WDR33: variants seen among roughly 807,000 people sequenced by gnomAD.
WDR33 encodes WD repeat domain 33, also known as pre-mRNA 3' end processing protein WDR33.
Under a neutral mutation model 164.9 loss-of-function variants are expected in WDR33, and 47 were observed. That is an observed-to-expected ratio of 0.29 (90% confidence interval 0.23 to 0.36). The LOEUF (loss-of-function observed/expected upper bound fraction) is 0.36, where lower values mean the gene tolerates loss of function less well. WDR33 is among the 10% of genes least tolerant of loss of function. WDR33 has a pLI of 1.00. For synonymous variants in WDR33, 505 were observed against 589.0 expected, an observed-to-expected ratio of 0.86 and a Z score of 2.06; for missense variants, 1,137 against 1,754.1, an observed-to-expected ratio of 0.65 and a Z score of 6.28.
chr2:127,703,577 G>A lies in WDR33; in HGVS notation c.*2746C>T, dbSNP rs939368815. 1 of 167,018 alleles carries A rather than the reference G, an allele frequency of 6.0e-6. No homozygotes were observed. The highest frequency in any genetic ancestry group is 1.5e-5 in the Non-Finnish European group (1 of 68,116). 10.3% of individuals were successfully genotyped at this position (167,018 alleles called of 1,614,324 possible). A position where few individuals can be genotyped will look rare whatever the true frequency, so the allele number is the denominator to read the frequency against. ...TTGCAGGCTACCCGCCCTGAGATTT[G>A]GTAAAGAACACTGCCTTGTTCCCCA... On this transcript the variant is annotated 3_prime_UTR_variant, in exon 22 of 22. Transcript: ENST00000322313.
chr2:127,779,934 A>ATT (rs752624928), intron 1 of WDR33, among the ~76,000 whole-genome samples: 4 of 152,018 alleles, frequency 2.6e-5, no homozygotes, highest in Non-Finnish European at 4.4e-5. Context: ...CTAGCTAGCA[A>ATT]TTCATATAGG....
At chr2:127,778,004 T>A (rs1439310221) in intron 1 of WDR33, among the ~76,000 whole-genome samples, 2 of 152,086 alleles carry the variant, frequency 1.3e-5, no homozygotes, top group African/African-American at 4.8e-5. Flanking sequence ...AGATAAAAGT[T>A]AAAAATGAGC....
chr2:127,749,299 A>T (rs1687250557), intron 7 of WDR33, among the ~76,000 whole-genome samples: 1 of 152,196 alleles, frequency 6.6e-6, no homozygotes, highest in Non-Finnish European at 1.5e-5. Flanking sequence ...GTGCCACTGC[A>T]CTCCAACCTG....
intron 1 of WDR33, among the ~76,000 whole-genome samples, chr2:127,780,834 C>T (rs1205252250): frequency 6.6e-6 from 1 of 152,170 alleles, no homozygotes; most frequent in Admixed American, 6.6e-5. Context: ...GAGACCCTAT[C>T]TCAAAATAAT....
rs1024794711 is a variant in WDR33, at chr2:127,701,372, A to G, written c.*4951T>C. The G allele has an allele frequency of 2.1e-5, 14 of 678,244 alleles. No homozygotes were observed. Among genetic ancestry groups the G allele is most frequent in the Non-Finnish European group, 2.7e-5 (13 of 487,458 alleles). 42.0% of individuals were successfully genotyped at this position (678,244 alleles called of 1,614,324 possible). ...CGACCACGGTACTTGGGGACACCAC[A>G]AAAGTCCGCAGAGCAGGCACCGCGG... is the stretch of plus-strand genomic sequence containing the variant. On this transcript the variant is annotated 3_prime_UTR_variant, in exon 22 of 22. Coordinates refer to ENST00000322313, the MANE Select transcript of WDR33 (RefSeq NM_018383.5).
At chr2:127,757,980 G>A (rs904715422) in intron 7 of WDR33, among the ~76,000 whole-genome samples, 3 of 152,094 alleles carry the variant, frequency 2.0e-5, no homozygotes, top group African/African-American at 4.8e-5. Flanking sequence ...TCTGTGTGGT[G>A]AGTACGTAAG....
chr2:127,735,746 A>T lies in WDR33; in HGVS notation c.725-8969T>A. On this transcript the variant is annotated intron_variant, in intron 7 of 21. Coordinates refer to ENST00000322313, the MANE Select transcript of WDR33 (RefSeq NM_018383.5). The surrounding 1 kb of genome is among the most constrained non-coding windows in gnomAD (Gnocchi z 4.3). Reference sequence around the variant, plus strand: ...GTTGGACAGAGGATTTAAGATTTTAAAAAATTAAGAAGCATAAGTAATCTG... The same window carrying T: ...GTTGGACAGAGGATTTAAGATTTTATAAAATTAAGAAGCATAAGTAATCTG... The T allele has an allele frequency of 1.0e-6, 1 of 985,498 alleles. No homozygotes were observed. The highest frequency in any genetic ancestry group is 1.2e-6 in the Non-Finnish European group (1 of 829,926). The allele number at this position is 985,498 out of a possible 1,614,324, so 61.0% of individuals were successfully genotyped here.
intron 7 of WDR33, among the ~76,000 whole-genome samples, chr2:127,755,877 T>C (rs1687503053): frequency 6.6e-6 from 1 of 152,212 alleles, no homozygotes; most frequent in Non-Finnish European, 1.5e-5. Context: ...TGTTTCTATA[T>C]TCATGCTGAC....
In WDR33 at chr2:127,763,968, G is replaced by A. The variant is rs534918823; in HGVS notation, c.627-809C>T. On this transcript the variant is annotated intron_variant, in intron 6 of 21. Coordinates refer to ENST00000322313, the MANE Select transcript of WDR33 (RefSeq NM_018383.5). The surrounding 1 kb of genome is among the most constrained non-coding windows in gnomAD (Gnocchi z 4.5). ...ATCCAACAATTTCTGTTAAGATTCT[G>A]AAAGTATGAACAAATGACTACAGTG... 1.0e-6 allele frequency: 1 copy of A among 985,826 alleles called. No individual in the cohort carries two copies. The highest frequency in any genetic ancestry group is 4.7e-5 in the South Asian group (1 of 21,294). 61.1% of individuals were successfully genotyped at this position (985,826 alleles called of 1,614,324 possible).
At chr2:127,771,101 T>C in intron 1 of WDR33, 97 bp from the exon 2 acceptor site, 1 of 912,904 alleles carries the variant, frequency 1.1e-6, no homozygotes, top group Non-Finnish European at 1.6e-6. Flanking sequence ...TCTTTTCCCT[T>C]ATCTAACGTG....
At chr2:127,725,977 C>T (rs762581142) in intron 8 of WDR33, among the ~76,000 whole-genome samples, 2 of 152,132 alleles carry the variant, frequency 1.3e-5, no homozygotes, top group Non-Finnish European at 2.9e-5. Context: ...CAACCCCTGG[C>T]CTGCACAATG....
At chr2:127,725,358 GT>G in intron 8 of WDR33, 143 bp from the exon 9 acceptor site, 1 of 767,878 alleles carries the variant, frequency 1.3e-6, no homozygotes, top group Non-Finnish European at 2.0e-6. Flanking sequence ...AAGGATCACA[GT>G]TATAAACACA....
At chr2:127,744,010 G>T (rs1270310655) in intron 7 of WDR33, among the ~76,000 whole-genome samples, 2 of 152,146 alleles carry the variant, frequency 1.3e-5, no homozygotes, top group Non-Finnish European at 1.5e-5. Context: ...CCCTCTATGG[G>T]GCTGGAGGAA....
Position 127,709,774 on chromosome 2 carries a change from C to G in WDR33, c.3391G>C (p.Gly1131Arg). 6.2e-7 allele frequency: 1 copy of G among 1,614,218 alleles called. No homozygotes were observed. Residue 1131 changes from glycine (G) to arginine (R), a missense_variant, in exon 19 of 22, where the codon GGT (glycine) becomes CGT (arginine). Physicochemically the swap from Gly to Arg is moderately radical, Grantham distance 125 (BLOSUM62 -2). Coordinates refer to ENST00000322313, the MANE Select transcript of WDR33 (RefSeq NM_018383.5). The surrounding 1 kb of genome is among the most constrained non-coding windows in gnomAD (Gnocchi z 5.0). Reference sequence around the variant, plus strand: ...GAAGCATCAAAATTCTCCTCTGGACCAAAGTCTTCAGGACCAGGAAAACCA... The same window carrying G: ...GAAGCATCAAAATTCTCCTCTGGACGAAAGTCTTCAGGACCAGGAAAACCA... ...RDGFPGPEDF[G>R]PEENFDASEE...
rs933728808 is a variant in WDR33, at chr2:127,735,574, C to T, written c.725-8797G>A. 5 of 985,660 alleles carry T rather than the reference C, an allele frequency of 5.1e-6. No homozygotes were observed. Among genetic ancestry groups the T allele is most frequent in the Non-Finnish European group, 6.0e-6 (5 of 829,842 alleles). The allele number at this position is 985,660 out of a possible 1,614,324, so 61.1% of individuals were successfully genotyped here. On this transcript the variant is annotated intron_variant, in intron 7 of 21. Coordinates refer to ENST00000322313, the MANE Select transcript of WDR33 (RefSeq NM_018383.5). This position sits in a 1 kb window ranked among gnomAD's most constrained non-coding sequence, Gnocchi z 4.3. ...CAAAGAATTCAAGTACCATCTTGTA[C>T]AATATTAACAGAACTGTTACTCAAG...
chr2:127,723,709 T>C lies in WDR33; in HGVS notation c.1197-362A>G, dbSNP rs888815160. ...CCAGGAGTTTGAGGCTACAGTGAGCTGTGATCTCACCACAGAACTCTAGTC... is the reference window on the plus strand; with the variant it reads ...CCAGGAGTTTGAGGCTACAGTGAGCCGTGATCTCACCACAGAACTCTAGTC... On this transcript the variant is annotated intron_variant, in intron 11 of 21. Coordinates refer to ENST00000322313, the MANE Select transcript of WDR33 (RefSeq NM_018383.5). This position sits in a 1 kb window ranked among gnomAD's most constrained non-coding sequence, Gnocchi z 5.9. Among the ~76,000 whole-genome samples, 1 of 150,732 alleles carries C rather than the reference T, an allele frequency of 6.6e-6. No homozygotes were observed. Among genetic ancestry groups the C allele is most frequent in the Non-Finnish European group, 1.5e-5 (1 of 67,796 alleles).
At chr2:127,725,362 T>C (rs577221755) in intron 8 of WDR33, 147 bp from the exon 9 acceptor site, 15 of 755,518 alleles carry the variant, frequency 2.0e-5, no homozygotes, top group Non-Finnish European at 2.7e-5. Flanking sequence ...ATCACAGTTA[T>C]AAACACACTT....
At position 127,717,309 on chromosome 2, in the gene WDR33, G is replaced by C. The variant is rs1331787011; in HGVS notation, c.2761-46C>G. ...TAAGGGTATGAAATCACAGGCTTGA[G>C]CTACATAAATAGTGATTGCATTATA... On this transcript the variant is annotated intron_variant, in intron 16 of 21. Transcript: ENST00000322313. The surrounding 1 kb of genome is among the most constrained non-coding windows in gnomAD (Gnocchi z 5.6). 4 of 1,468,700 alleles carry C rather than the reference G, an allele frequency of 2.7e-6. No homozygotes were observed. In the Admixed American group the frequency reaches 1.0e-4, roughly 38 times the overall value. 91.0% of individuals were successfully genotyped at this position (1,468,700 alleles called of 1,614,324 possible). A position where few individuals can be genotyped will look rare whatever the true frequency, so the allele number is the denominator to read the frequency against.
At chr2:127,785,536 C>T (rs903280821) in intron 1 of WDR33, among the ~76,000 whole-genome samples, 1 of 152,188 alleles carries the variant, frequency 6.6e-6, no homozygotes, top group Admixed American at 6.5e-5. Context: ...ACAGTTTTGC[C>T]CTTTCCAGAA....
Sources: gnomAD v4.1 joint callset for allele counts (sites outside exome capture counted in the v4.1 genomes callset) on GRCh38, gnomAD v4.1.1 for gene constraint, Gnocchi (gnomAD v3.1) non-coding constraint, MANE v1.5 for transcripts, NCBI Gene and HGNC (gene_info 2026-07-23, HGNC 2026-07-21) for gene names.